The following IPO8 variants were observed in gnomAD, a reference collection of about 807,000 sequenced individuals.
IPO8 encodes importin 8.
A neutral mutation model predicts 141.2 loss-of-function variants in IPO8; 65 were observed. The ratio of observed to expected loss-of-function variants is 0.46; its 90% CI spans 0.38 to 0.57. The LOEUF (loss-of-function observed/expected upper bound fraction) is 0.57. IPO8 is among the 20% of genes least tolerant of loss of function. The probability of loss-of-function intolerance (pLI) is 0.00; values close to 1 mark genes in which losing one functional copy is unlikely to be tolerated. For missense variants in IPO8, 980 were observed against 1,246.8 expected, an observed-to-expected ratio of 0.79 and a Z score of 3.22; for synonymous variants, 411 against 420.3, an observed-to-expected ratio of 0.98 and a Z score of 0.27.
intron 16 of IPO8, among the ~76,000 whole-genome samples, chr12:30,659,452 G>C (rs1187233717): frequency 1.3e-5 from 2 of 151,400 alleles, no homozygotes; most frequent in African/African-American, 4.9e-5. Flanking sequence ...ACTCCGGCCT[G>C]GGCAACAGAG....
rs2053177805 is a variant in IPO8, at chr12:30,680,531, GAAT to G, written c.587_589del (p.Tyr196del). 1 of 1,612,494 alleles carries G rather than the reference GAAT, an allele frequency of 6.2e-7. No homozygotes were observed. The highest frequency in any genetic ancestry group is 8.5e-7 in the Non-Finnish European group (1 of 1,179,100). ...CAGAATTTGTTTCTGCAGTAATACA[GAAT>G]AATAGGAGGAATCAGGAAGGAGCTG... On this transcript the variant is annotated inframe_deletion, in exon 5 of 25. Transcript: ENST00000256079.
At chr12:30,676,957 A>C (rs1248610394) in intron 5 of IPO8, 1 of 1,531,606 alleles carries the variant, frequency 6.5e-7, no homozygotes, top group African/African-American at 1.4e-5. Context: ...TTCATTAAAC[A>C]CTCATGAAAC....
intron 5 of IPO8, 193 bp from the exon 6 acceptor site, chr12:30,676,780 A>G: frequency 1.2e-6 from 1 of 820,208 alleles, no homozygotes; most frequent in Non-Finnish European, 1.9e-6. Flanking sequence ...AATTTAGAAG[A>G]CTACCTGCCA....
At chr12:30,649,775 T>G (rs1190814754) in intron 19 of IPO8, among the ~76,000 whole-genome samples, 1 of 152,142 alleles carries the variant, frequency 6.6e-6, no homozygotes, top group Non-Finnish European at 1.5e-5. Flanking sequence ...CTATTATTAA[T>G]TCTGTATTTT....
chr12:30,681,633 T>C, intron 4 of IPO8, 26 bp downstream of exon 4: 1 of 1,598,404 alleles, frequency 6.3e-7, no homozygotes. Context: ...AAGGCTGCTT[T>C]CTTCAGCCAA....
intron 20 of IPO8, among the ~76,000 whole-genome samples, chr12:30,644,899 C>G (rs766551586): frequency 6.6e-6 from 1 of 151,322 alleles, no homozygotes; most frequent in Non-Finnish European, 1.5e-5. Context: ...GTGATCCACC[C>G]GCCTCAGCCT....
chr12:30,676,691 G>C, intron 5 of IPO8, 104 bp from the exon 6 acceptor site: 1 of 860,452 alleles, frequency 1.2e-6, no homozygotes, highest in Admixed American at 2.0e-5. Flanking sequence ...GCTAACATTT[G>C]AGAATGAAAA....
chr12:30,649,700 T>G (rs1342164305), intron 19 of IPO8, among the ~76,000 whole-genome samples: 8 of 152,156 alleles, frequency 5.3e-5, no homozygotes, highest in African/African-American at 1.7e-4. Flanking sequence ...TCATGGACAT[T>G]GTAACCATTT....
intron 10 of IPO8, among the ~76,000 whole-genome samples, chr12:30,666,853 C>T (rs1038026639): frequency 1.3e-5 from 2 of 152,146 alleles, no homozygotes; most frequent in South Asian, 4.1e-4. Context: ...GGATAAAGTA[C>T]TCCAAGCAGG....
intron 2 of IPO8, chr12:30,688,380 A>G: frequency 2.3e-6 from 1 of 430,950 alleles, no homozygotes; most frequent in South Asian, 1.7e-5. Flanking sequence ...GCTTGATGGT[A>G]GCAAGAACAC....
chr12:30,635,760 G>A (rs567033869), intron 22 of IPO8, among the ~76,000 whole-genome samples: 3 of 152,010 alleles, frequency 2.0e-5, no homozygotes, highest in African/African-American at 4.8e-5. Context: ...CTTAACCAGA[G>A]TTTGGACCAA....
Position 30,676,852 on chromosome 12 carries a change from T to C in IPO8, c.640-265A>G, listed in dbSNP as rs554490201. On this transcript the variant is annotated intron_variant, in intron 5 of 24. Transcript: ENST00000256079. Reference sequence around the variant, plus strand: ...ACAAATGAATACCACTGAGGTCTCATTTATTCAGCATGAGATTCTAAGTGA... The same window carrying C: ...ACAAATGAATACCACTGAGGTCTCACTTATTCAGCATGAGATTCTAAGTGA... The C allele has an allele frequency of 2.4e-5, 30 of 1,274,584 alleles. No individual in the cohort carries two copies. The African/African-American group carries it at 4.1e-4, about 17-fold the overall frequency. 79.0% of individuals were successfully genotyped at this position (1,274,584 alleles called of 1,614,324 possible).
At chr12:30,651,189 G>A (rs1359711824) in intron 19 of IPO8, among the ~76,000 whole-genome samples, 1 of 151,960 alleles carries the variant, frequency 6.6e-6, no homozygotes. Context: ...TCTCTAACAG[G>A]GAAAACTGAA....
chr12:30,651,263 C>T (rs537802869), intron 19 of IPO8, among the ~76,000 whole-genome samples: 2 of 152,136 alleles, frequency 1.3e-5, no homozygotes, highest in South Asian at 2.1e-4. Context: ...ATCATTACAA[C>T]TCACAGTTCA....
At chr12:30,681,476 T>A (rs1258052920) in intron 4 of IPO8, among the ~76,000 whole-genome samples, 183 bp downstream of exon 4, 1 of 152,216 alleles carries the variant, frequency 6.6e-6, no homozygotes, top group Non-Finnish European at 1.5e-5. Flanking sequence ...GCAATATCCA[T>A]CAGCACATTA....
chr12:30,639,799 A>T (rs2136127998), intron 20 of IPO8, 64 bp from the exon 21 acceptor site: 1 of 1,105,882 alleles, frequency 9.0e-7, no homozygotes, highest in African/African-American at 1.5e-5. Flanking sequence ...TAGAAGCTGA[A>T]TATTGGCAGA....
chr12:30,677,843 AT>A (rs1212990973), intron 5 of IPO8, among the ~76,000 whole-genome samples: 2 of 152,330 alleles, frequency 1.3e-5, no homozygotes, highest in East Asian at 3.9e-4. Flanking sequence ...AAAGTTAAAA[AT>A]TTTAAAGTTT....
In IPO8 at chr12:30,695,411, G is replaced by A. The variant is rs764093648; in HGVS notation, c.84+153C>T. Among the ~76,000 whole-genome samples, 14 of 152,198 alleles carry A rather than the reference G, an allele frequency of 9.2e-5. No homozygotes were observed. Among genetic ancestry groups the A allele is most frequent in the African/African-American group, 2.7e-4 (11 of 41,464 alleles). On this transcript the variant is annotated intron_variant, in intron 1 of 24. Transcript: ENST00000256079. The surrounding 1 kb of genome is among the most constrained non-coding windows in gnomAD (Gnocchi z 4.2). ...CCTGGGAGCCCTGCTCCACTGGACC[G>A]GGGGGCAGCGGGGTCGGAGAGCGGG... is the stretch of plus-strand genomic sequence containing the variant.
chr12:30,686,763 C>T (rs2053246488), intron 2 of IPO8: 1 of 152,082 alleles, frequency 6.6e-6, no homozygotes, highest in African/African-American at 2.4e-5. Context: ...AGTAAAAATA[C>T]AGACACGGTA....
Sources: allele counts gnomAD v4.1 joint callset (sites outside exome capture counted in the v4.1 genomes callset), GRCh38; gene constraint gnomAD v4.1.1; non-coding constraint Gnocchi (gnomAD v3.1); transcripts MANE v1.5; gene names NCBI Gene and HGNC (gene_info 2026-07-23, HGNC 2026-07-21).